The following DUSP29 variants were observed in gnomAD, a reference collection of about 807,000 sequenced individuals.
The protein encoded by DUSP29 is atypical dual-specific protein phosphatase.
In DUSP29, 12 loss-of-function variants were observed where a neutral mutation model predicts 13.5. The observed-to-expected ratio is 0.89, with a 90% CI of 0.57 to 1.44. The LOEUF is 1.44. DUSP29 is among the 40% of genes most tolerant of loss of function. DUSP29 has a pLI of 0.00. For missense variants in DUSP29, 308 were observed against 301.1 expected (o/e 1.02, Z -0.17); for synonymous variants, 134 against 128.7 (o/e 1.04, Z -0.28).
chr10:75,038,275 T>TA (rs1354824395), intron 3 of DUSP29, among the ~76,000 whole-genome samples, 198 bp from the exon 4 acceptor site: 2 of 152,108 alleles, frequency 1.3e-5, no homozygotes, highest in Non-Finnish European at 2.9e-5. Context: ...AATAACCCTG[T>TA]AAATAACTCG....
chr10:75,070,393 T>C (rs891819381), intron 1 of DUSP29, among the ~76,000 whole-genome samples: 2 of 152,160 alleles, frequency 1.3e-5, no homozygotes, highest in South Asian at 2.1e-4. Context: ...CACACAGTCA[T>C]GTAAATTTGC....
intron 2 of DUSP29, among the ~76,000 whole-genome samples, chr10:75,051,291 T>C (rs181327888): frequency 1.7e-3 from 252 of 152,358 alleles, no homozygotes; most frequent in African/African-American, 5.9e-3. Flanking sequence ...TTCCAGAACC[T>C]GCCTGATTTG....
chr10:75,045,546 C>A (rs1398705027), intron 2 of DUSP29, among the ~76,000 whole-genome samples: 1 of 152,174 alleles, frequency 6.6e-6, no homozygotes, highest in African/African-American at 2.4e-5. Flanking sequence ...GGAAAGGCCA[C>A]TGTGGGGAGG....
At chr10:75,038,839 C>A (rs913482000) in intron 3 of DUSP29, among the ~76,000 whole-genome samples, 1 of 152,118 alleles carries the variant, frequency 6.6e-6, no homozygotes, top group Non-Finnish European at 1.5e-5. Flanking sequence ...GGGCATGAGG[C>A]CGGGCGCGGT....
intron 1 of DUSP29, among the ~76,000 whole-genome samples, chr10:75,071,430 C>G (rs1322156129): frequency 1.3e-5 from 2 of 152,182 alleles, no homozygotes; most frequent in Non-Finnish European, 1.5e-5. Flanking sequence ...GCTCACAGCC[C>G]AGCCCCTGGC....
At chr10:75,068,211 C>A (rs1847245374) in intron 1 of DUSP29, among the ~76,000 whole-genome samples, 1 of 152,128 alleles carries the variant, frequency 6.6e-6, no homozygotes, top group Non-Finnish European at 1.5e-5. Context: ...TGGCTCAGGC[C>A]TGTAATCCCA....
intron 1 of DUSP29, among the ~76,000 whole-genome samples, chr10:75,065,263 G>A (rs1847172005): frequency 6.6e-6 from 1 of 152,208 alleles, no homozygotes. Context: ...ATTCATTTCA[G>A]TGGGAAAATT....
At chr10:75,043,656 G>A in intron 3 of DUSP29, 141 bp downstream of exon 3, 1 of 844,200 alleles carries the variant, frequency 1.2e-6, no homozygotes, top group Non-Finnish European at 1.8e-6. Flanking sequence ...CTCAGACGGG[G>A]AAACCTTGGG....
At chr10:75,041,227 T>C (rs1242687551) in intron 3 of DUSP29, among the ~76,000 whole-genome samples, 1 of 152,206 alleles carries the variant, frequency 6.6e-6, no homozygotes, top group Non-Finnish European at 1.5e-5. Flanking sequence ...GTCTGTGGCA[T>C]TGCTGCTGCT....
intron 1 of DUSP29, among the ~76,000 whole-genome samples, chr10:75,061,515 C>T (rs1474986594): frequency 6.6e-6 from 1 of 152,186 alleles, no homozygotes; most frequent in Non-Finnish European, 1.5e-5. Flanking sequence ...GGGCTGCACC[C>T]TCGTAGGGGC....
At chr10:75,049,209 G>A (rs891363255) in intron 2 of DUSP29, among the ~76,000 whole-genome samples, 2 of 152,160 alleles carry the variant, frequency 1.3e-5, no homozygotes, top group Non-Finnish European at 2.9e-5. Context: ...AGCATGATTT[G>A]TATTGTTATT....
chr10:75,043,987 C>T lies in DUSP29; in HGVS notation c.231G>A (p.Gln77=). The change falls in exon 3 of 4, where the codon CAG becomes CAA. Residue 77 remains glutamine, a synonymous_variant. Coordinates refer to ENST00000338487, the MANE Select transcript of DUSP29 (RefSeq NM_001003892.3). ...TCAGCACGTGCGTGAACCCCGCCTTCTGCAGCCTATAGCGGTCCAGCGCCG... is the reference window on the plus strand; with the variant it reads ...TCAGCACGTGCGTGAACCCCGCCTTTTGCAGCCTATAGCGGTCCAGCGCCG... ...EATALDRYRL[Q]KAGFTHVLNA... is the part of the protein sequence containing the mutation. 1.2e-6 allele frequency: 2 copies of T among 1,612,516 alleles called. No individual in the cohort carries two copies. The highest frequency in any genetic ancestry group is 1.1e-5 in the South Asian group (1 of 91,014).
intron 1 of DUSP29, among the ~76,000 whole-genome samples, chr10:75,072,502 C>T (rs761890267): frequency 3.9e-5 from 6 of 152,134 alleles, no homozygotes; most frequent in Non-Finnish European, 5.9e-5. Flanking sequence ...ATGCCCAACG[C>T]GCCTTCCTTG....
chr10:75,070,990 G>T (rs181545514), intron 1 of DUSP29, among the ~76,000 whole-genome samples: 1 of 152,202 alleles, frequency 6.6e-6, no homozygotes, highest in Non-Finnish European at 1.5e-5. Flanking sequence ...TTTCCAGGCC[G>T]GGCCTCCCTG....
chr10:75,044,133 A>G, intron 2 of DUSP29, 116 bp from the exon 3 acceptor site: 1 of 977,632 alleles, frequency 1.0e-6, no homozygotes, highest in Non-Finnish European at 1.5e-6. Flanking sequence ...AGGACTAGTT[A>G]TTGCAAATGA....
At chr10:75,052,234 A>G (rs1846848743) in intron 2 of DUSP29, among the ~76,000 whole-genome samples, 1 of 151,260 alleles carries the variant, frequency 6.6e-6, no homozygotes, top group Non-Finnish European at 1.5e-5. Flanking sequence ...TCACCCTTCC[A>G]TGAGCTGGCC....
At chr10:75,041,593 C>A (rs140011854) in intron 3 of DUSP29, among the ~76,000 whole-genome samples, 58 of 152,270 alleles carry the variant, frequency 3.8e-4, no homozygotes, top group African/African-American at 1.2e-3. Context: ...GCAGGGTAGG[C>A]GTTTGAGCCC....
chr10:75,044,125 G>T, intron 2 of DUSP29, 108 bp from the exon 3 acceptor site: 3 of 1,062,588 alleles, frequency 2.8e-6, no homozygotes, highest in South Asian at 1.5e-5. Flanking sequence ...CCAGAATGAG[G>T]ACTAGTTATT....
At chr10:75,046,481 T>G (rs1370920328) in intron 2 of DUSP29, among the ~76,000 whole-genome samples, 2 of 152,218 alleles carry the variant, frequency 1.3e-5, no homozygotes, top group African/African-American at 4.8e-5. Context: ...CAGAAATATA[T>G]GCCATGGCCC....
Sources: gnomAD v4.1 joint callset for allele counts (sites outside exome capture counted in the v4.1 genomes callset) on GRCh38, gnomAD v4.1.1 for gene constraint, MANE v1.5 for transcripts, NCBI Gene and HGNC (gene_info 2026-07-23, HGNC 2026-07-21) for gene names.